Variants in C3orf52 observed in about 807,000 individuals in gnomAD.
C3orf52 encodes the protein TPA-induced transmembrane protein.
A neutral mutation model predicts 24.8 loss-of-function variants in C3orf52; 22 were observed. That is an observed-to-expected ratio of 0.89 (90% CI 0.63 to 1.27). The LOEUF is 1.27. C3orf52 is among the 50% of genes most tolerant of loss of function. The pLI, the probability that C3orf52 is intolerant of heterozygous loss-of-function variation, is 0.00. For synonymous variants in C3orf52, 93 were observed against 100.2 expected, an observed-to-expected ratio of 0.93 and a Z score of 0.43; for missense variants, 265 against 260.7, an observed-to-expected ratio of 1.02 and a Z score of -0.11.
chr3:112,121,293 G>A (rs1349270674), downstream of C3orf52: 2 of 152,180 alleles, frequency 1.3e-5, no homozygotes, highest in Non-Finnish European at 2.9e-5. Context: ...CATTGATTTG[G>A]TGTTTCTACC....
intron 4 of C3orf52, chr3:112,123,305 G>C: frequency 2.8e-6 from 4 of 1,423,368 alleles, no homozygotes; most frequent in Non-Finnish European, 3.7e-6. Flanking sequence ...GTGCTAAGAG[G>C]GCTTGTGGTA....
intron 2 of C3orf52, among the ~76,000 whole-genome samples, chr3:112,098,280 C>T (rs1273150638): frequency 1.3e-5 from 2 of 152,202 alleles, no homozygotes; most frequent in Non-Finnish European, 2.9e-5. Context: ...CAGCTTTTAG[C>T]TCTGCCAACT....
downstream of C3orf52, chr3:112,135,400 A>C (rs2074540925): frequency 6.6e-6 from 1 of 152,642 alleles, no homozygotes; most frequent in Non-Finnish European, 1.5e-5. Context: ...GTCATATCTA[A>C]AACAGGCAGG....
chr3:112,096,246 G>C (rs772206385), intron 2 of C3orf52, among the ~76,000 whole-genome samples: 1 of 152,174 alleles, frequency 6.6e-6, no homozygotes, highest in Non-Finnish European at 1.5e-5. Context: ...AAGAAAAACT[G>C]ACAAATCCAG....
chr3:112,136,363 G>T, the C3orf52 span, among the ~76,000 whole-genome samples: 1 of 152,124 alleles, frequency 6.6e-6, no homozygotes, highest in Non-Finnish European at 1.5e-5. Context: ...AGAAATAAAA[G>T]TGTTTTCTTT....
chr3:112,111,366 C>T (rs3856723), intron 4 of C3orf52: 80,562 of 152,210 alleles, frequency 0.53, 23,150 homozygotes, highest in East Asian at 0.75. Flanking sequence ...CGGCTAAATC[C>T]CTGGCACATG....
intron 2 of C3orf52, among the ~76,000 whole-genome samples, 184 bp downstream of exon 2, chr3:112,093,673 G>A (rs1306177577): frequency 6.6e-6 from 1 of 152,142 alleles, no homozygotes; most frequent in Admixed American, 6.5e-5. Context: ...GTTTTCTGTT[G>A]TTGTTGTATT....
At chr3:112,127,711 T>C (rs1158399084) in intron 4 of C3orf52, among the ~76,000 whole-genome samples, 1 of 152,222 alleles carries the variant, frequency 6.6e-6, no homozygotes, top group African/African-American at 2.4e-5. Context: ...GATAGAAATG[T>C]GTGCTTCGGA....
At position 112,123,620 on chromosome 3, in the gene C3orf52, A is replaced by G. The variant is rs150784525; in HGVS notation, c.*46+4058A>G. On this transcript the variant is annotated intron_variant, in intron 4 of 4. Coordinates refer to the C3orf52 transcript ENST00000480282. ...TATGTAGAAGTGAATACTCAGTCTC[A>G]GTTCCTCCCAAGGACTCTCTGGGTC... 2.5e-4 allele frequency: 396 copies of G among 1,614,178 alleles called. 3 individuals are homozygous for G. The East Asian group carries it at 4.4e-3, about 18-fold the overall frequency.
intron 4 of C3orf52, chr3:112,123,662 A>G (rs781016291): frequency 3.1e-6 from 5 of 1,614,120 alleles, no homozygotes; most frequent in Non-Finnish European, 4.2e-6. Context: ...CTTTGCAGGG[A>G]ACATTCTCAT....
In C3orf52 at chr3:112,123,498, C is replaced by T. The variant is rs371130266; in HGVS notation, c.*46+3936C>T. The stretch of plus-strand genomic sequence containing the variant: ...AGTCTCAGAAGGGGCCATAAGTGGA[C>T]GTGGCTGTTGCAGAAAGTGAGAGGA... On this transcript the variant is annotated intron_variant, in intron 4 of 4. Transcript: ENST00000480282. 2.4e-5 allele frequency: 38 copies of T among 1,613,980 alleles called. No homozygotes were observed. The highest frequency in any genetic ancestry group is 1.8e-4 in the East Asian group (8 of 44,882).
chr3:112,107,312 C>T (rs2074034429), intron 3 of C3orf52, among the ~76,000 whole-genome samples: 1 of 152,152 alleles, frequency 6.6e-6, no homozygotes, highest in South Asian at 2.1e-4. Context: ...GACATGAGTG[C>T]TTGACATTAG....
intron 3 of C3orf52, among the ~76,000 whole-genome samples, chr3:112,105,570 G>T (rs1688277): frequency 4.5e-5 from 6 of 133,940 alleles, no homozygotes; most frequent in African/African-American, 1.6e-4. Context: ...GTGTGTGTGT[G>T]TTTTCCACAC....
At chr3:112,133,296 A>G (rs912816019), downstream of C3orf52, 1 of 671,950 alleles carries the variant, frequency 1.5e-6, no homozygotes. Context: ...CTGGGGGAGG[A>G]GTGTTAGAGG....
At chr3:112,119,935 A>G (rs764307468), downstream of C3orf52, among the ~76,000 whole-genome samples, 1 of 152,154 alleles carries the variant, frequency 6.6e-6, no homozygotes, top group Non-Finnish European at 1.5e-5. Flanking sequence ...GCAACCACAT[A>G]CTATGAATGG....
chr3:112,112,729 C>A, intron 4 of C3orf52: 1 of 519,654 alleles, frequency 1.9e-6, no homozygotes, highest in Non-Finnish European at 3.6e-6. Context: ...CAGTGGATTC[C>A]TAGAGGATAG....
chr3:112,122,120 A>G (rs2074212732), downstream of C3orf52: 1 of 152,242 alleles, frequency 6.6e-6, no homozygotes, highest in Non-Finnish European at 1.5e-5. Flanking sequence ...GTGATTTAAT[A>G]TTTTTATGCC....
At chr3:112,089,400 T>A (rs927878728) in intron 1 of C3orf52, among the ~76,000 whole-genome samples, 2 of 151,948 alleles carry the variant, frequency 1.3e-5, no homozygotes, top group African/African-American at 4.8e-5. Flanking sequence ...TGGTGGCGCA[T>A]GCCTGTAATC....
downstream of C3orf52, chr3:112,121,616 A>G (rs1044524697): frequency 2.0e-5 from 3 of 152,216 alleles, no homozygotes; most frequent in Admixed American, 1.3e-4. Context: ...TGCTAACTGA[A>G]TATTTCCTTT....
Sources: gnomAD v4.1 joint callset for allele counts (sites outside exome capture counted in the v4.1 genomes callset) on GRCh38, gnomAD v4.1.1 for gene constraint, MANE v1.5 for transcripts, NCBI Gene and HGNC (gene_info 2026-07-23, HGNC 2026-07-21) for gene names.